The following VPS53 variants were observed in gnomAD, a reference collection of about 807,000 sequenced individuals.
VPS53 encodes VPS53 subunit of GARP complex.
Under a neutral mutation model 107.0 loss-of-function variants are expected in VPS53, and 70 were observed. The observed-to-expected ratio is 0.65, with a 90% CI of 0.54 to 0.80. VPS53 has a LOEUF of 0.80. Ranked by LOEUF, VPS53 falls within the 30% of genes least tolerant of loss-of-function variation. The probability of loss-of-function intolerance (pLI) is 0.00; values close to 1 mark genes in which losing one functional copy is unlikely to be tolerated. For synonymous variants in VPS53, 409 were observed against 393.3 expected, an observed-to-expected ratio of 1.04 and a Z score of -0.47; for missense variants, 917 against 1,049.4, an observed-to-expected ratio of 0.87 and a Z score of 1.74.
rs1351861484 is a variant in VPS53, at chr17:519,744, G to C, written c.2328+82C>G. The C allele has an allele frequency of 9.4e-7, 1 of 1,058,410 alleles. No individual in the cohort carries two copies. Among genetic ancestry groups the C allele is most frequent in the East Asian group, 2.6e-5 (1 of 38,516 alleles). The allele number at this position is 1,058,410 out of a possible 1,614,324, so 65.6% of individuals were successfully genotyped here. ...CATGCATTTTGAGAAAGCCCCCCCG[G>C]AACTTATATCCCAATTCCCGGTTAA... is the stretch of plus-strand genomic sequence containing the variant. On this transcript the variant is annotated intron_variant, in intron 21 of 21. Transcript: ENST00000437048. This position sits in a 1 kb window ranked among gnomAD's most constrained non-coding sequence, Gnocchi z 5.0.
Position 653,344 on chromosome 17 carries a change from C to A in VPS53, c.555G>T (p.Leu185=). The change falls in exon 7 of 22, where the codon CTG becomes CTT. Residue 185 remains leucine (L), a synonymous_variant. Coordinates refer to ENST00000437048, the MANE Select transcript of VPS53 (RefSeq NM_001128159.3). Reference sequence around the variant, plus strand: ...TCCCCATATACTTGTGGAAGTGCTCCAGGACATTCATCACACCCTGAAGGA... The same window carrying A: ...TCCCCATATACTTGTGGAAGTGCTCAAGGACATTCATCACACCCTGAAGGA... ...ANLLQGVMNV[L]EHFHKYMGIP... is the part of the protein sequence containing the mutation. The A allele has an allele frequency of 6.2e-7, 1 of 1,614,210 alleles. No homozygotes were observed. The highest frequency in any genetic ancestry group is 8.5e-7 in the Non-Finnish European group (1 of 1,180,046).
At chr17:561,577 T>G (rs1339908631) in intron 14 of VPS53, among the ~76,000 whole-genome samples, 3 of 152,204 alleles carry the variant, frequency 2.0e-5, no homozygotes, top group African/African-American at 7.2e-5. Flanking sequence ...CGGAAAAATA[T>G]ATACAAAAAG....
chr17:647,923 C>T (rs1597433038), intron 7 of VPS53, among the ~76,000 whole-genome samples: 1 of 152,194 alleles, frequency 6.6e-6, no homozygotes, highest in African/African-American at 2.4e-5. Flanking sequence ...ATGAAGGTGG[C>T]GATACCAGGA....
intron 17 of VPS53, chr17:551,640 T>A: frequency 3.4e-6 from 1 of 298,070 alleles, no homozygotes; most frequent in Admixed American, 5.1e-5. Flanking sequence ...TCTCTTTTTT[T>A]TTTGCCATCC....
At chr17:679,036 G>T (rs1047848946) in intron 4 of VPS53, among the ~76,000 whole-genome samples, 1 of 152,152 alleles carries the variant, frequency 6.6e-6, no homozygotes, top group Non-Finnish European at 1.5e-5. Flanking sequence ...ACAAGAAGTA[G>T]AAGGAGCATA....
chr17:596,715 G>C (rs1216128491), intron 12 of VPS53, among the ~76,000 whole-genome samples: 1 of 152,186 alleles, frequency 6.6e-6, no homozygotes, highest in Non-Finnish European at 1.5e-5. Context: ...GATAGTAGGT[G>C]CTGGAATTTT....
At chr17:666,003 C>T (rs1484458662) in intron 4 of VPS53, among the ~76,000 whole-genome samples, 1 of 151,536 alleles carries the variant, frequency 6.6e-6, no homozygotes, top group Admixed American at 6.6e-5. Flanking sequence ...AAACTCTGTC[C>T]CGACCAAAAA....
intron 1 of VPS53, among the ~76,000 whole-genome samples, chr17:713,180 C>T (rs1046322979): frequency 6.6e-6 from 1 of 151,304 alleles, no homozygotes; most frequent in Non-Finnish European, 1.5e-5. Context: ...CCAGCCTGGA[C>T]AACAGAGCAA....
intron 4 of VPS53, chr17:685,203 C>T (rs1003121829): frequency 5.3e-5 from 8 of 152,134 alleles, no homozygotes; most frequent in Non-Finnish European, 1.0e-4. Context: ...GTTCCAAGAG[C>T]CTGGGTCTGG....
chr17:589,998 C>T (rs972503229), intron 12 of VPS53, among the ~76,000 whole-genome samples: 5 of 152,102 alleles, frequency 3.3e-5, no homozygotes, highest in African/African-American at 4.8e-5. Context: ...ATTGATTCTT[C>T]CTACTCATGA....
chr17:579,769 C>T lies in VPS53; in HGVS notation c.1313+6501G>A, dbSNP rs529046309. 2.0e-5 allele frequency among the ~76,000 whole-genome samples: 3 copies of T among 148,078 alleles called. No individual in the cohort carries two copies. The South Asian group carries it at 6.5e-4, about 32-fold the overall frequency. On this transcript the variant is annotated intron_variant, in intron 13 of 21. Transcript: ENST00000437048. Reference sequence around the variant, plus strand: ...ACCTAATTCCTTCCCAGAGAACCTCCGTCAGAACCTGAGTGCATTAACAGA... The same window carrying T: ...ACCTAATTCCTTCCCAGAGAACCTCTGTCAGAACCTGAGTGCATTAACAGA...
chr17:705,135 C>T (rs890201940), intron 2 of VPS53, among the ~76,000 whole-genome samples: 3 of 152,160 alleles, frequency 2.0e-5, no homozygotes, highest in African/African-American at 4.8e-5. Flanking sequence ...ACCTGGATGA[C>T]CTGAGTATGT....
intron 11 of VPS53, among the ~76,000 whole-genome samples, chr17:608,552 A>AT (rs1177543730): frequency 1.3e-5 from 2 of 149,552 alleles, no homozygotes; most frequent in Non-Finnish European, 3.0e-5. Context: ...TTTATTTAAA[A>AT]TTTTTTTTTC....
chr17:519,280 G>C lies in VPS53; in HGVS notation c.2347C>G (p.Gln783Glu). The C allele has an allele frequency of 6.6e-7, 1 of 1,508,962 alleles. No homozygotes were observed. Among genetic ancestry groups the C allele is most frequent in the Non-Finnish European group, 8.9e-7 (1 of 1,128,970 alleles). 93.5% of individuals were successfully genotyped at this position (1,508,962 alleles called of 1,614,324 possible). A position where few individuals can be genotyped will look rare whatever the true frequency, so the allele number is the denominator to read the frequency against. Residue 783 changes from glutamine (Q) to glutamate (E), a missense_variant, in exon 22 of 22, where the codon CAG becomes GAG. Coordinates refer to ENST00000437048, the MANE Select transcript of VPS53 (RefSeq NM_001128159.3). The surrounding 1 kb of genome is among the most constrained non-coding windows in gnomAD (Gnocchi z 5.0). ...LDMKGLKRSEQSSMLELLRQR... is the reference protein window; with the variant it reads ...LDMKGLKRSEESSMLELLRQR... ...CGCAGGAGTTCCAGCATGCTGCTCT[G>C]CTCACTCCTCTTCAGCCCCTGAGGT...
At chr17:712,099 A>G (rs1184206357) in intron 1 of VPS53, among the ~76,000 whole-genome samples, 3 of 149,716 alleles carry the variant, frequency 2.0e-5, no homozygotes, top group African/African-American at 7.4e-5. Context: ...TACAGGCGTG[A>G]GCCTCCACAC....
chr17:709,575 C>G (rs1015967093), intron 2 of VPS53, among the ~76,000 whole-genome samples: 2 of 152,232 alleles, frequency 1.3e-5, no homozygotes, highest in Non-Finnish European at 2.9e-5. Context: ...TCTCCCACCA[C>G]TTGATCCTGC....
intron 11 of VPS53, among the ~76,000 whole-genome samples, chr17:612,839 TACTC>T (rs896027362): frequency 6.0e-5 from 9 of 150,280 alleles, no homozygotes; most frequent in Non-Finnish European, 1.0e-4. Context: ...CCTGTACAGA[TACTC>T]ACAGCAGTAT....
chr17:641,916 A>G (rs976815953), intron 7 of VPS53, among the ~76,000 whole-genome samples: 13 of 152,234 alleles, frequency 8.5e-5, no homozygotes, highest in African/African-American at 2.4e-4. Flanking sequence ...CCCAGAAAGG[A>G]AAGTCAACCA....
intron 13 of VPS53, among the ~76,000 whole-genome samples, chr17:576,046 G>A (rs541195750): frequency 3.3e-5 from 5 of 149,492 alleles, no homozygotes; most frequent in South Asian, 2.1e-4. Context: ...ACAACCTAAC[G>A]CGTTCTCAGA....
Sources: gnomAD v4.1 joint callset for allele counts (sites outside exome capture counted in the v4.1 genomes callset) on GRCh38, gnomAD v4.1.1 for gene constraint, Gnocchi (gnomAD v3.1) non-coding constraint, MANE v1.5 for transcripts, NCBI Gene and HGNC (gene_info 2026-07-23, HGNC 2026-07-21) for gene names.